GABPB1: variants seen among roughly 807,000 people sequenced by gnomAD.
GABPB1 encodes GA-binding protein subunit beta-1.
Under a neutral mutation model 45.9 loss-of-function variants are expected in GABPB1, and 15 were observed. The observed-to-expected ratio is 0.33, with a 90% confidence interval of 0.22 to 0.50. The LOEUF is 0.50. Ranked by LOEUF, GABPB1 falls within the 20% of genes least tolerant of loss-of-function variation. The pLI is 0.98. For missense variants in GABPB1, 252 were observed against 457.5 expected (o/e 0.55, Z 4.10); for synonymous variants, 143 against 154.4 (o/e 0.93, Z 0.55).
chr15:50,316,347 A>C (rs189028263), intron 1 of GABPB1, among the ~76,000 whole-genome samples: 196 of 152,322 alleles, frequency 1.3e-3, no homozygotes, highest in African/African-American at 4.6e-3. Context: ...TGTTGTGAGG[A>C]TTATGGCATG....
rs536100534 is a variant in GABPB1, at chr15:50,292,779, G to A, written c.698-3111C>T. Among the ~76,000 whole-genome samples, 5 of 152,156 alleles carry A rather than the reference G, an allele frequency of 3.3e-5. No individual in the cohort carries two copies. In the East Asian group the frequency reaches 9.6e-4, roughly 29 times the overall value. On this transcript the variant is annotated intron_variant, in intron 6 of 8. Transcript: ENST00000380877. ...TTATTCTTGAGAGATACATGCCAAA[G>A]TAAAGGTGAAGTATCATGATGTCTC...
rs1178703566 is a variant in GABPB1, at chr15:50,277,712, T to C, written c.*920A>G. 1 of 152,612 alleles carries C rather than the reference T, an allele frequency of 6.6e-6. No homozygotes were observed. The highest frequency in any genetic ancestry group is 1.5e-5 in the Non-Finnish European group (1 of 68,030). 9.5% of individuals were successfully genotyped at this position (152,612 alleles called of 1,614,324 possible). A position where few individuals can be genotyped will look rare whatever the true frequency, so the allele number is the denominator to read the frequency against. On this transcript the variant is annotated 3_prime_UTR_variant, in exon 9 of 9. Coordinates refer to ENST00000380877, the MANE Select transcript of GABPB1 (RefSeq NM_016654.5). Reference sequence around the variant, plus strand: ...ATATGCATTGGGTTTTCCAAAAACATTATCTTAAAATCAGTGCCTTAAAGT... The same window carrying C: ...ATATGCATTGGGTTTTCCAAAAACACTATCTTAAAATCAGTGCCTTAAAGT...
At chr15:50,354,663 G>T (rs1006919963) in intron 1 of GABPB1, 11 of 426,390 alleles carry the variant, frequency 2.6e-5, no homozygotes, top group Non-Finnish European at 4.7e-5. Context: ...GCTCGGGACC[G>T]GCAAGCCGGG....
intron 3 of GABPB1, among the ~76,000 whole-genome samples, 175 bp from the exon 4 acceptor site, chr15:50,303,298 C>T (rs538816854): frequency 1.3e-5 from 2 of 152,268 alleles, no homozygotes; most frequent in East Asian, 3.9e-4. Context: ...CCTGTAATCC[C>T]AGCACTTTGG....
At chr15:50,295,392 C>G (rs941017595) in intron 6 of GABPB1, among the ~76,000 whole-genome samples, 35 of 152,154 alleles carry the variant, frequency 2.3e-4, no homozygotes, top group Non-Finnish European at 4.4e-5. Context: ...GCCTCAAAAG[C>G]TTCACATGTC....
At chr15:50,325,392 T>A (rs1054249994) in intron 1 of GABPB1, among the ~76,000 whole-genome samples, 1 of 150,620 alleles carries the variant, frequency 6.6e-6, no homozygotes, top group Non-Finnish European at 1.5e-5. Flanking sequence ...CAGGTGCAAA[T>A]CTCGTCACTC....
intron 1 of GABPB1, among the ~76,000 whole-genome samples, chr15:50,319,315 GTGCAGTTTGTTACACGTATATAT>G (rs1268423645): frequency 6.6e-6 from 1 of 152,038 alleles, no homozygotes; most frequent in African/African-American, 2.4e-5. Context: ...GCAGGTACAG[GTGCAGTTTGTTACACGTATATAT>G]TGCATCGTGG....
chr15:50,324,891 C>T (rs2047697056), intron 1 of GABPB1, among the ~76,000 whole-genome samples: 1 of 151,994 alleles, frequency 6.6e-6, no homozygotes, highest in Non-Finnish European at 1.5e-5. Flanking sequence ...ATAGTACTTG[C>T]TGTTAAGAAA....
chr15:50,292,314 CAA>C (rs762047613), intron 6 of GABPB1, among the ~76,000 whole-genome samples: 5,563 of 49,130 alleles, frequency 0.11, 206 homozygotes, highest in African/African-American at 0.28. Flanking sequence ...GACTCCATCT[CAA>C]AAAAAAAAAA....
intron 6 of GABPB1, among the ~76,000 whole-genome samples, chr15:50,298,749 C>T (rs537411860): frequency 7.2e-5 from 11 of 152,164 alleles, no homozygotes; most frequent in African/African-American, 2.2e-4. Context: ...GTGAGGAGTT[C>T]GAGACCAGCT....
intron 1 of GABPB1, among the ~76,000 whole-genome samples, chr15:50,342,576 TTTTG>T (rs753707594): frequency 1.3e-5 from 2 of 152,236 alleles, no homozygotes; most frequent in Non-Finnish European, 2.9e-5. Context: ...TAGTTCAGTG[TTTTG>T]TTTAAGTGGG....
At chr15:50,282,270 A>G in intron 8 of GABPB1, 1 of 454,624 alleles carries the variant, frequency 2.2e-6, no homozygotes, top group Non-Finnish European at 4.4e-6. Context: ...GAGAGAGAAG[A>G]GATATGACCT....
At position 50,277,714 on chromosome 15, in the gene GABPB1, A is replaced by G. The variant is rs1328918886; in HGVS notation, c.*918T>C. The G allele has an allele frequency of 6.6e-6, 1 of 152,662 alleles. No homozygotes were observed. The highest frequency in any genetic ancestry group is 1.5e-5 in the Non-Finnish European group (1 of 68,036). The allele number at this position is 152,662 out of a possible 1,614,324, so 9.5% of individuals were successfully genotyped here. A position where few individuals can be genotyped will look rare whatever the true frequency, so the allele number is the denominator to read the frequency against. Reference sequence around the variant, plus strand: ...ATGCATTGGGTTTTCCAAAAACATTATCTTAAAATCAGTGCCTTAAAGTGC... The same window carrying G: ...ATGCATTGGGTTTTCCAAAAACATTGTCTTAAAATCAGTGCCTTAAAGTGC... On this transcript the variant is annotated 3_prime_UTR_variant, in exon 9 of 9. Transcript: ENST00000380877.
intron 6 of GABPB1, among the ~76,000 whole-genome samples, chr15:50,300,454 T>G (rs2046698301): frequency 7.5e-6 from 1 of 133,476 alleles, no homozygotes; most frequent in African/African-American, 2.7e-5. Flanking sequence ...TTTTTTTTTT[T>G]TTTTTTGAGA....
rs1226149698 is a variant in GABPB1 at position 50,276,040 on chromosome 15, T to A, written c.*2592A>T. 1 of 152,162 alleles carries A rather than the reference T, an allele frequency of 6.6e-6. No homozygotes were observed. Among genetic ancestry groups the A allele is most frequent in the African/African-American group, 2.4e-5 (1 of 41,436 alleles). 9.4% of individuals were successfully genotyped at this position (152,162 alleles called of 1,614,324 possible). On this transcript the variant is annotated 3_prime_UTR_variant, in exon 9 of 9. Transcript: ENST00000380877. ...TCTAGGTGCACAGGAAAGAAAATAATTCATTACACCATAACACTAAATGGC... is the reference window on the plus strand; with the variant it reads ...TCTAGGTGCACAGGAAAGAAAATAAATCATTACACCATAACACTAAATGGC...
At chr15:50,300,601 G>A (rs950283844) in intron 6 of GABPB1, among the ~76,000 whole-genome samples, 188 bp downstream of exon 6, 8 of 151,722 alleles carry the variant, frequency 5.3e-5, no homozygotes, top group Non-Finnish European at 8.8e-5. Context: ...GTGCCACCAC[G>A]CCTGGCTAAT....
chr15:50,304,386 A>T (rs907896607), intron 2 of GABPB1, among the ~76,000 whole-genome samples: 2 of 152,160 alleles, frequency 1.3e-5, no homozygotes, highest in African/African-American at 4.8e-5. Context: ...TATCAGATAA[A>T]CTGCCTGAAC....
intron 1 of GABPB1, among the ~76,000 whole-genome samples, chr15:50,344,984 A>G (rs2048512172): frequency 6.6e-6 from 1 of 152,220 alleles, no homozygotes; most frequent in African/African-American, 2.4e-5. Context: ...AAATTCCTTG[A>G]GCGTTCCAAC....
At chr15:50,340,034 A>G (rs1485202886) in intron 1 of GABPB1, among the ~76,000 whole-genome samples, 1 of 152,244 alleles carries the variant, frequency 6.6e-6, no homozygotes, top group Non-Finnish European at 1.5e-5. Flanking sequence ...TGGTATTAGT[A>G]GATGGGGACT....
Sources: allele counts gnomAD v4.1 joint callset (sites outside exome capture counted in the v4.1 genomes callset), GRCh38; gene constraint gnomAD v4.1.1; transcripts MANE v1.5; gene names NCBI Gene and HGNC (gene_info 2026-07-23, HGNC 2026-07-21).